DOP1B: variants seen among roughly 807,000 people sequenced by gnomAD.
DOP1B encodes the protein DOP1 leucine zipper like protein B.
Under a neutral mutation model 233.5 loss-of-function variants are expected in DOP1B, and 174 were observed. The ratio of observed to expected loss-of-function variants is 0.75; its 90% CI spans 0.66 to 0.85. DOP1B has a LOEUF of 0.85. Ranked by LOEUF, DOP1B falls within the 40% of genes least tolerant of loss-of-function variation. The pLI is 0.00. For synonymous variants in DOP1B, 1,190 were observed against 1,185.6 expected (o/e 1.00, Z -0.08); for missense variants, 2,652 against 2,846.6 (o/e 0.93, Z 1.56).
chr21:36,169,033 C>T (rs553750607), intron 2 of DOP1B: 4 of 844,266 alleles, frequency 4.7e-6, no homozygotes, highest in South Asian at 3.9e-5. Context: ...CTTTCTTCTC[C>T]TCCATGGTCT....
At chr21:36,214,272 C>T in intron 8 of DOP1B, 82 bp downstream of exon 8, 1 of 1,326,960 alleles carries the variant, frequency 7.5e-7, no homozygotes. Flanking sequence ...TCCACATAGG[C>T]AGTGAGCACG....
chr21:36,209,813 G>A (rs1344914137), intron 5 of DOP1B, among the ~76,000 whole-genome samples: 3 of 152,014 alleles, frequency 2.0e-5, no homozygotes, highest in Non-Finnish European at 4.4e-5. Context: ...GCTGTCTTTC[G>A]CCACCTGGTG....
intron 27 of DOP1B, among the ~76,000 whole-genome samples, chr21:36,273,058 C>T (rs1435863749): frequency 1.3e-5 from 2 of 148,948 alleles, no homozygotes; most frequent in Non-Finnish European, 3.0e-5. Context: ...GTCGAGATGG[C>T]GTCACTGCAC....
At chr21:36,204,089 CAG>C (rs752335407) in intron 4 of DOP1B, among the ~76,000 whole-genome samples, 2 of 152,090 alleles carry the variant, frequency 1.3e-5, no homozygotes, top group Admixed American at 1.3e-4. Context: ...TTTTGCCTCT[CAG>C]GGTACATTTG....
intron 35 of DOP1B, among the ~76,000 whole-genome samples, chr21:36,290,728 T>C (rs1309097563): frequency 1.3e-5 from 2 of 150,724 alleles, no homozygotes; most frequent in Non-Finnish European, 3.0e-5. Context: ...AGGCAGAGGT[T>C]GCAGTGAGCC....
chr21:36,199,706 G>T (rs1000091108), intron 3 of DOP1B, among the ~76,000 whole-genome samples: 1 of 152,114 alleles, frequency 6.6e-6, no homozygotes, highest in South Asian at 2.1e-4. Context: ...TTGTCCTTGC[G>T]ATAGTTTGCT....
chr21:36,197,960 C>T (rs2066311414), intron 2 of DOP1B, among the ~76,000 whole-genome samples: 1 of 147,158 alleles, frequency 6.8e-6, no homozygotes, highest in South Asian at 2.1e-4. Context: ...GTGGAGGTTG[C>T]AGTGAGCCAA....
chr21:36,263,460 A>G, intron 24 of DOP1B, 86 bp from the exon 25 acceptor site: 1 of 1,227,628 alleles, frequency 8.1e-7, no homozygotes, highest in Non-Finnish European at 1.2e-6. Flanking sequence ...TTGCTTTCCA[A>G]CTGCCAGGAT....
At chr21:36,163,007 G>A (rs1166013308) in intron 1 of DOP1B, among the ~76,000 whole-genome samples, 1 of 152,168 alleles carries the variant, frequency 6.6e-6, no homozygotes, top group East Asian at 1.9e-4. Flanking sequence ...GCTACTGAGA[G>A]GTAAAGTGAG....
chr21:36,207,400 G>A (rs545146206), intron 4 of DOP1B, among the ~76,000 whole-genome samples: 2 of 151,532 alleles, frequency 1.3e-5, no homozygotes, highest in East Asian at 3.9e-4. Flanking sequence ...GTCCAGGCTG[G>A]TCTCAAACTC....
At chr21:36,200,095 C>T (rs112391807) in intron 3 of DOP1B, among the ~76,000 whole-genome samples, 5 of 152,284 alleles carry the variant, frequency 3.3e-5, no homozygotes, top group African/African-American at 1.2e-4. Context: ...CTCTCCAGCA[C>T]CCCATTTTGA....
chr21:36,285,631 G>C (rs2067473351), intron 32 of DOP1B, among the ~76,000 whole-genome samples: 1 of 152,066 alleles, frequency 6.6e-6, no homozygotes, highest in South Asian at 2.1e-4. Flanking sequence ...GCCCTGTGGA[G>C]GGATGATGCC....
chr21:36,214,573 T>C lies in DOP1B; in HGVS notation c.1129+17T>C, dbSNP rs1197474030. 1.2e-6 allele frequency: 2 copies of C among 1,607,080 alleles called. No homozygotes were observed. Among genetic ancestry groups the C allele is most frequent in the South Asian group, 2.2e-5 (2 of 90,804 alleles). On this transcript the variant is annotated intron_variant, in intron 9 of 36. Coordinates refer to ENST00000691173, the MANE Select transcript of DOP1B (RefSeq NM_001320714.2). ...CAGAAATAGGTAATGTTAGAAATGC[T>C]GCTTCTATCCTATGCTGAATACAGA...
intron 35 of DOP1B, 24 bp downstream of exon 35, chr21:36,289,230 C>T (rs746248427): frequency 1.2e-6 from 2 of 1,602,972 alleles, no homozygotes; most frequent in South Asian, 1.1e-5. Context: ...GATCGTGTGT[C>T]CTTTTTGAAG....
At chr21:36,276,301 C>A (rs1241482228) in intron 27 of DOP1B, among the ~76,000 whole-genome samples, 1 of 152,104 alleles carries the variant, frequency 6.6e-6, no homozygotes, top group Non-Finnish European at 1.5e-5. Flanking sequence ...GAGGCCAAGG[C>A]AGGCAAATTA....
At chr21:36,189,557 C>A (rs1436496956) in intron 2 of DOP1B, among the ~76,000 whole-genome samples, 1 of 151,704 alleles carries the variant, frequency 6.6e-6, no homozygotes, top group Non-Finnish European at 1.5e-5. Context: ...TATGGTGAAA[C>A]CCCGTAGCTG....
intron 27 of DOP1B, among the ~76,000 whole-genome samples, chr21:36,275,283 C>T (rs1027095084): frequency 2.0e-5 from 3 of 152,116 alleles, no homozygotes; most frequent in Non-Finnish European, 2.9e-5. Context: ...GGATTGGGAT[C>T]ATAAATGGAA....
chr21:36,175,792 CA>C, intron 2 of DOP1B: 1 of 144,936 alleles, frequency 6.9e-6, no homozygotes, highest in Non-Finnish European at 1.5e-5. Flanking sequence ...GACTCTGTCT[CA>C]AAAAAAAGAA....
At chr21:36,159,148 A>G (rs886256605) in intron 1 of DOP1B, among the ~76,000 whole-genome samples, 9 of 147,730 alleles carry the variant, frequency 6.1e-5, no homozygotes, top group Non-Finnish European at 1.3e-4. Context: ...TCAAAAACCA[A>G]AACAAAACAA....
Sources: allele counts gnomAD v4.1 joint callset (sites outside exome capture counted in the v4.1 genomes callset), GRCh38; gene constraint gnomAD v4.1.1; transcripts MANE v1.5; gene names NCBI Gene and HGNC (gene_info 2026-07-23, HGNC 2026-07-21).